Variants in GPC5 observed in about 807,000 individuals in gnomAD.
GPC5 encodes the protein glypican-5.
A neutral mutation model predicts 53.9 loss-of-function variants in GPC5; 47 were observed. That is an observed-to-expected ratio of 0.87 (90% CI 0.69 to 1.11). The LOEUF (loss-of-function observed/expected upper bound fraction) is 1.11. Ranked by LOEUF, GPC5 falls within the 50% of genes most tolerant of loss-of-function variation. The pLI, the probability that GPC5 is intolerant of heterozygous loss-of-function variation, is 0.00. For synonymous variants in GPC5, 286 were observed against 263.3 expected (o/e 1.09, Z -0.84); for missense variants, 748 against 713.1 (o/e 1.05, Z -0.56).
At chr13:91,636,453 T>TTGTG (rs144874102) in intron 2 of GPC5, among the ~76,000 whole-genome samples, 7,388 of 150,264 alleles carry the variant, frequency 0.049, 228 homozygotes, top group African/African-American at 0.076. Flanking sequence ...GTGTGTGTAT[T>TTGTG]TGTGTGTATC....
chr13:91,632,559 C>T (rs373837550), intron 2 of GPC5, among the ~76,000 whole-genome samples: 2 of 152,008 alleles, frequency 1.3e-5, no homozygotes, highest in African/African-American at 4.8e-5. Context: ...AAAGAAGGCA[C>T]TTGAACACAG....
intron 6 of GPC5, among the ~76,000 whole-genome samples, chr13:92,007,294 C>A (rs1462106480): frequency 6.6e-6 from 1 of 152,188 alleles, no homozygotes; most frequent in East Asian, 1.9e-4. Context: ...TTTGCCTCTA[C>A]TAATCATAAC....
chr13:92,197,089 G>T (rs904515242), intron 7 of GPC5, among the ~76,000 whole-genome samples: 1 of 152,118 alleles, frequency 6.6e-6, no homozygotes, highest in Non-Finnish European at 1.5e-5. Flanking sequence ...CTCTAACAAA[G>T]TCTCCGCTCC....
At chr13:92,824,487 G>A (rs537094337) in intron 7 of GPC5, among the ~76,000 whole-genome samples, 3 of 152,170 alleles carry the variant, frequency 2.0e-5, no homozygotes, top group Middle Eastern at 3.4e-3. Context: ...CTGTAGACTG[G>A]CTACCCAGAA....
At chr13:92,454,311 GT>G (rs1356379530) in intron 7 of GPC5, among the ~76,000 whole-genome samples, 1 of 151,910 alleles carries the variant, frequency 6.6e-6, no homozygotes, top group Non-Finnish European at 1.5e-5. Context: ...GTTTTATGTT[GT>G]TTTTTTGCTT....
At chr13:92,478,188 C>A (rs572589759) in intron 7 of GPC5, among the ~76,000 whole-genome samples, 1 of 152,202 alleles carries the variant, frequency 6.6e-6, no homozygotes, top group East Asian at 1.9e-4. Flanking sequence ...TGATAATTAA[C>A]ATTATTGCAT....
intron 7 of GPC5, among the ~76,000 whole-genome samples, chr13:92,626,365 A>C (rs572118041): frequency 4.7e-4 from 72 of 152,268 alleles, no homozygotes; most frequent in African/African-American, 1.7e-3. Context: ...GGCAGCATGG[A>C]ATTTTAAGGG....
intron 7 of GPC5, among the ~76,000 whole-genome samples, chr13:92,808,227 AT>A (rs1877171506): frequency 6.6e-6 from 1 of 152,118 alleles, no homozygotes; most frequent in Admixed American, 6.6e-5. Flanking sequence ...ATTTGTTTCC[AT>A]AGATTTTGTA....
At chr13:92,344,766 G>C (rs2043396571) in intron 7 of GPC5, among the ~76,000 whole-genome samples, 2 of 152,142 alleles carry the variant, frequency 1.3e-5, no homozygotes, top group Non-Finnish European at 2.9e-5. Context: ...TTGCAACAAT[G>C]TGGGGCAGAA....
At chr13:91,408,901 G>T (rs752113107) in intron 1 of GPC5, among the ~76,000 whole-genome samples, 4 of 152,066 alleles carry the variant, frequency 2.6e-5, no homozygotes, top group Non-Finnish European at 5.9e-5. Flanking sequence ...AGAGAATCTA[G>T]TTCATGATTT....
chr13:91,850,023 C>A (rs2038895753), intron 5 of GPC5, among the ~76,000 whole-genome samples: 1 of 152,160 alleles, frequency 6.6e-6, no homozygotes, highest in African/African-American at 2.4e-5. Context: ...GTATATCAAA[C>A]TGGCACTTAA....
At chr13:91,943,729 G>A (rs1018246481) in intron 6 of GPC5, among the ~76,000 whole-genome samples, 4 of 152,130 alleles carry the variant, frequency 2.6e-5, no homozygotes, top group Admixed American at 2.6e-4. Context: ...TTCCATGTAA[G>A]TTCTTAATGT....
At chr13:91,803,308 C>T (rs1594578604) in intron 5 of GPC5, among the ~76,000 whole-genome samples, 1 of 152,118 alleles carries the variant, frequency 6.6e-6, no homozygotes, top group Non-Finnish European at 1.5e-5. Context: ...AATCAATTTA[C>T]ATCTCATTTT....
intron 7 of GPC5, among the ~76,000 whole-genome samples, chr13:92,225,092 A>C (rs2042475650): frequency 6.6e-6 from 1 of 152,088 alleles, no homozygotes; most frequent in Non-Finnish European, 1.5e-5. Flanking sequence ...GTTGCCCCAT[A>C]GCCTATTGAG....
At chr13:91,417,300 G>GA (rs1390102808) in intron 1 of GPC5, among the ~76,000 whole-genome samples, 1 of 152,130 alleles carries the variant, frequency 6.6e-6, no homozygotes, top group Non-Finnish European at 1.5e-5. Context: ...AGTGGCAGCA[G>GA]AAAAAGATTT....
At chr13:91,537,184 A>G (rs929928514) in intron 2 of GPC5, among the ~76,000 whole-genome samples, 3 of 152,168 alleles carry the variant, frequency 2.0e-5, no homozygotes, top group African/African-American at 7.2e-5. Context: ...GAAAAGACGT[A>G]ATAAATGATT....
chr13:92,448,384 T>G, intron 7 of GPC5: 1 of 152,144 alleles, frequency 6.6e-6, no homozygotes, highest in East Asian at 1.9e-4. Context: ...TACAGTGTGC[T>G]TATAAAATGT....
At chr13:92,672,494 A>C (rs565870730) in intron 7 of GPC5, among the ~76,000 whole-genome samples, 1 of 152,330 alleles carries the variant, frequency 6.6e-6, no homozygotes, top group Non-Finnish European at 1.5e-5. Context: ...AAAAACCTAG[A>C]GACAGAAATA....
chr13:91,974,338 TG>T (rs911288519), intron 6 of GPC5, among the ~76,000 whole-genome samples: 7 of 152,192 alleles, frequency 4.6e-5, no homozygotes, highest in Admixed American at 2.0e-4. Context: ...TGTCCCTGTT[TG>T]TAGATGACAT....
Sources: gnomAD v4.1 joint callset for allele counts (sites outside exome capture counted in the v4.1 genomes callset) on GRCh38, gnomAD v4.1.1 for gene constraint, MANE v1.5 for transcripts, NCBI Gene and HGNC (gene_info 2026-07-23, HGNC 2026-07-21) for gene names.